Variants in EYS observed in about 807,000 individuals in gnomAD.
EYS encodes EGF-like photoreceptor maintenance factor.
In EYS, 250 loss-of-function variants were observed where a neutral mutation model predicts 282.1. That is an observed-to-expected ratio of 0.89 (90% CI 0.80 to 0.98). The LOEUF is 0.98. Ranked by LOEUF, EYS falls within the 50% of genes least tolerant of loss-of-function variation. The pLI, the probability that EYS is intolerant of heterozygous loss-of-function variation, is 0.00. For synonymous variants in EYS, 1,355 were observed against 1,282.9 expected (o/e 1.06, Z -1.20); for missense variants, 4,016 against 3,709.0 (o/e 1.08, Z -2.15).
intron 19 of EYS, among the ~76,000 whole-genome samples, chr6:64,860,295 C>T (rs1414107615): frequency 6.6e-6 from 1 of 152,226 alleles, no homozygotes; most frequent in Non-Finnish European, 1.5e-5. Flanking sequence ...CCACTGGGCC[C>T]ACTTGGCATG....
At chr6:64,062,308 G>A (rs1307106693) in intron 33 of EYS, among the ~76,000 whole-genome samples, 1 of 152,152 alleles carries the variant, frequency 6.6e-6, no homozygotes, top group East Asian at 1.9e-4. Flanking sequence ...GGAATCAGAA[G>A]CCTCAAGCTA....
At chr6:65,512,421 G>A (rs1368793818) in intron 2 of EYS, among the ~76,000 whole-genome samples, 35 of 150,604 alleles carry the variant, frequency 2.3e-4, no homozygotes, top group Non-Finnish European at 3.8e-4. Flanking sequence ...CCCGGGAGGC[G>A]GAGCTTGCAG....
At chr6:64,703,433 T>A (rs1389198248) in intron 22 of EYS, among the ~76,000 whole-genome samples, 1,450 of 83,104 alleles carry the variant, frequency 0.017, 124 homozygotes, top group African/African-American at 0.058. Flanking sequence ...ATATATATTT[T>A]TTTTTTTTTT....
In EYS at chr6:65,322,906, A is replaced by G. The variant is rs201320976; in HGVS notation, c.1766+12074T>C. ...CCTCAGTGGCTCTTGATTTAGGGAA[A>G]AAAGCACATCCTGCTATTTAATTTG... On this transcript the variant is annotated intron_variant, in intron 11 of 42. Coordinates refer to ENST00000503581, the MANE Select transcript of EYS (RefSeq NM_001142800.2). Among the ~76,000 whole-genome samples the G allele has an allele frequency of 3.6e-4, 55 of 151,630 alleles. 1 individual carries two copies. The East Asian group carries it at 0.01, about 29-fold the overall frequency.
intron 33 of EYS, among the ~76,000 whole-genome samples, chr6:64,002,213 C>A (rs567019604): frequency 2.3e-4 from 35 of 152,238 alleles, no homozygotes; most frequent in Admixed American, 7.2e-4. Flanking sequence ...CCTGGGTGGC[C>A]CAACTCCAGG....
chr6:63,858,278 T>A (rs1772443720), intron 36 of EYS, among the ~76,000 whole-genome samples: 1 of 152,346 alleles, frequency 6.6e-6, no homozygotes, highest in Middle Eastern at 3.4e-3. Flanking sequence ...TAGGCTGGTC[T>A]TGAACTCCTG....
chr6:64,956,559 A>T (rs1769707197), intron 14 of EYS, among the ~76,000 whole-genome samples: 1 of 152,230 alleles, frequency 6.6e-6, no homozygotes, highest in Non-Finnish European at 1.5e-5. Flanking sequence ...AAGCACAGGC[A>T]ACCAAAGCAA....
chr6:64,813,008 G>A (rs752693535), intron 22 of EYS, among the ~76,000 whole-genome samples: 3 of 151,942 alleles, frequency 2.0e-5, no homozygotes, highest in African/African-American at 4.8e-5. Flanking sequence ...AGTAGTAACA[G>A]AAATGAATCT....
intron 12 of EYS, among the ~76,000 whole-genome samples, chr6:65,130,680 A>G (rs1357111125): frequency 6.6e-6 from 1 of 151,742 alleles, no homozygotes; most frequent in Non-Finnish European, 1.5e-5. Flanking sequence ...TGAGAGGATC[A>G]GGAAAATGAC....
chr6:63,720,986 A>G lies in EYS; in HGVS notation c.9045T>C (p.Asn3015=), dbSNP rs750882724. The G allele has an allele frequency of 1.3e-6, 2 of 1,551,232 alleles. No individual in the cohort carries two copies. Among genetic ancestry groups the G allele is most frequent in the African/African-American group, 2.7e-5 (2 of 73,026 alleles). Residue 3015 remains asparagine (N), a synonymous_variant, in exon 43 of 43, where the codon AAT becomes AAC. Coordinates refer to ENST00000503581, the MANE Select transcript of EYS (RefSeq NM_001142800.2). ...ENDFLAIGLH[N]QTLKIAVNLG... The stretch of plus-strand genomic sequence containing the variant: ...AGTTAACTGCTATTTTCAAGGTCTG[A>G]TTATGGAGACCAATTGCCAGAAAAT...
chr6:64,950,798 C>CATATATATATATATAT (rs1171736217), intron 14 of EYS, among the ~76,000 whole-genome samples: 21 of 54,214 alleles, frequency 3.9e-4, no homozygotes, highest in South Asian at 7.2e-4. Flanking sequence ...TATACATATA[C>CATATATATATATATAT]ATATATATAT....
intron 33 of EYS, among the ~76,000 whole-genome samples, chr6:64,004,922 C>CATATGGGTG (rs1768273213): frequency 6.6e-6 from 1 of 152,086 alleles, no homozygotes; most frequent in African/African-American, 2.4e-5. Context: ...CTGTGATGAA[C>CATATGGGTG]ATATGGGTGC....
At chr6:63,763,672 T>A (rs868170776) in intron 40 of EYS, among the ~76,000 whole-genome samples, 28 of 151,710 alleles carry the variant, frequency 1.8e-4, no homozygotes, top group African/African-American at 6.5e-4. Flanking sequence ...ACATGTTTGC[T>A]TCCCCTTCCA....
At chr6:65,617,490 G>C (rs1435905310) in intron 2 of EYS, among the ~76,000 whole-genome samples, 1 of 151,732 alleles carries the variant, frequency 6.6e-6, no homozygotes. Flanking sequence ...AATGAGACCT[G>C]AATTAAAATT....
At chr6:65,537,228 A>G (rs968965887) in intron 2 of EYS, among the ~76,000 whole-genome samples, 2 of 152,134 alleles carry the variant, frequency 1.3e-5, no homozygotes, top group African/African-American at 4.8e-5. Flanking sequence ...GAATAGCAAT[A>G]GGAGAAATAC....
At chr6:64,446,750 A>G (rs1176437959) in intron 26 of EYS, among the ~76,000 whole-genome samples, 5 of 152,116 alleles carry the variant, frequency 3.3e-5, no homozygotes, top group Non-Finnish European at 1.5e-5. Context: ...GTGATCAGGT[A>G]GCTTAAGTAA....
intron 12 of EYS, among the ~76,000 whole-genome samples, chr6:65,168,736 G>C (rs1765035545): frequency 1.3e-5 from 2 of 151,192 alleles, no homozygotes; most frequent in African/African-American, 4.8e-5. Context: ...CTTTTAAATT[G>C]TGGCCACTTT....
intron 35 of EYS, among the ~76,000 whole-genome samples, chr6:63,894,321 C>T (rs1773479137): frequency 6.6e-6 from 1 of 152,026 alleles, no homozygotes; most frequent in Admixed American, 6.6e-5. Flanking sequence ...GACTGGTATC[C>T]TTATAAGAAG....
intron 2 of EYS, among the ~76,000 whole-genome samples, chr6:65,601,440 A>C (rs925128751): frequency 5.9e-5 from 9 of 151,782 alleles, no homozygotes; most frequent in South Asian, 4.1e-4. Flanking sequence ...TTTTTCCCCC[A>C]CAGAGATACC....
Sources: allele counts gnomAD v4.1 joint callset (sites outside exome capture counted in the v4.1 genomes callset), GRCh38; gene constraint gnomAD v4.1.1; transcripts MANE v1.5; gene names NCBI Gene and HGNC (gene_info 2026-07-23, HGNC 2026-07-21).